Variants in RBMS3 observed in about 807,000 individuals in gnomAD.
RBMS3 encodes RNA-binding motif, single-stranded-interacting protein 3.
In RBMS3, 27 loss-of-function variants were observed where a neutral mutation model predicts 66.8. That is an observed-to-expected ratio of 0.40 (90% CI 0.30 to 0.56). The LOEUF is 0.56. RBMS3 is among the 20% of genes least tolerant of loss of function. The pLI is 0.40. For missense variants in RBMS3, 513 were observed against 549.5 expected (o/e 0.93, Z 0.66); for synonymous variants, 188 against 183.0 (o/e 1.03, Z -0.22).
intron 6 of RBMS3, among the ~76,000 whole-genome samples, chr3:29,815,771 C>G (rs987865586): frequency 6.6e-6 from 1 of 151,206 alleles, no homozygotes; most frequent in Admixed American, 6.6e-5. Context: ...TAATGGACTT[C>G]GAGGACTCAA....
chr3:29,880,211 G>T (rs1383742137), intron 7 of RBMS3, among the ~76,000 whole-genome samples: 1 of 152,038 alleles, frequency 6.6e-6, no homozygotes, highest in Non-Finnish European at 1.5e-5. Flanking sequence ...CTTAACTGTT[G>T]TTGAAAAATG....
intron 6 of RBMS3, among the ~76,000 whole-genome samples, chr3:29,771,687 G>C (rs2149395752): frequency 6.6e-6 from 1 of 152,100 alleles, no homozygotes; most frequent in East Asian, 1.9e-4. Context: ...AAAAAGAGAA[G>C]TTTAGTTGGC....
intron 4 of RBMS3, among the ~76,000 whole-genome samples, chr3:29,676,569 A>G (rs1461812574): frequency 2.0e-5 from 3 of 152,324 alleles, no homozygotes; most frequent in East Asian, 3.9e-4. Context: ...CATCATAACC[A>G]AAATTGTTCA....
intron 2 of RBMS3, among the ~76,000 whole-genome samples, chr3:29,467,234 A>G (rs1235187284): frequency 6.6e-6 from 1 of 152,178 alleles, no homozygotes; most frequent in Non-Finnish European, 1.5e-5. Flanking sequence ...GTACAAAATC[A>G]TGCAAAAGGG....
intron 6 of RBMS3, among the ~76,000 whole-genome samples, chr3:29,793,483 G>A (rs1270711902): frequency 6.6e-6 from 1 of 152,118 alleles, no homozygotes; most frequent in Non-Finnish European, 1.5e-5. Flanking sequence ...TGCTAAAAAA[G>A]TAATTTTATA....
intron 6 of RBMS3, among the ~76,000 whole-genome samples, chr3:29,784,675 G>A (rs1195876757): frequency 4.0e-5 from 6 of 151,352 alleles, no homozygotes; most frequent in South Asian, 2.1e-4. Context: ...AAGAAAATAC[G>A]TAACAAAGAT....
At position 29,655,945 on chromosome 3, in the gene RBMS3, C is replaced by CAAA. The variant is rs57111170; in HGVS notation, c.399+68751_399+68753dup. ...CTTTTTAACAAAACAGCTTAAAAAG[C>CAAA]AAAAAAAAAAAAATTAGAAATGTAA... On this transcript the variant is annotated intron_variant, in intron 4 of 14. Coordinates refer to ENST00000383767, the MANE Select transcript of RBMS3 (RefSeq NM_001003793.3). 2.6e-3 allele frequency among the ~76,000 whole-genome samples: 369 copies of CAAA among 140,496 alleles called. 2 individuals are homozygous for CAAA. Among genetic ancestry groups the CAAA allele is most frequent in the African/African-American group, 7.9e-3 (304 of 38,438 alleles). The allele number at this position is 140,496 out of a possible 152,430, so 92.2% of individuals were successfully genotyped here. A position where few individuals can be genotyped will look rare whatever the true frequency, so the allele number is the denominator to read the frequency against.
intron 2 of RBMS3, among the ~76,000 whole-genome samples, chr3:29,487,305 G>T (rs2043357687): frequency 6.6e-6 from 1 of 152,108 alleles, no homozygotes; most frequent in Non-Finnish European, 1.5e-5. Context: ...TGAGGTAATA[G>T]TCATTTTGAT....
intron 6 of RBMS3, among the ~76,000 whole-genome samples, chr3:29,792,134 A>G (rs950318036): frequency 3.3e-5 from 5 of 152,190 alleles, no homozygotes; most frequent in African/African-American, 1.2e-4. Flanking sequence ...TGTTCACTAT[A>G]TAACACTATG....
At chr3:29,573,524 TG>T (rs2149070722) in intron 3 of RBMS3, among the ~76,000 whole-genome samples, 1 of 152,278 alleles carries the variant, frequency 6.6e-6, no homozygotes, top group East Asian at 1.9e-4. Context: ...AAAAAGCAAA[TG>T]TTTCATCTAT....
chr3:29,539,016 A>G (rs2045669319), intron 3 of RBMS3, among the ~76,000 whole-genome samples: 1 of 152,188 alleles, frequency 6.6e-6, no homozygotes, highest in Non-Finnish European at 1.5e-5. Flanking sequence ...TCTTGTCACT[A>G]ATTTCAACTT....
intron 6 of RBMS3, among the ~76,000 whole-genome samples, chr3:29,863,445 T>G (rs1016239900): frequency 6.6e-6 from 1 of 152,138 alleles, no homozygotes; most frequent in African/African-American, 2.4e-5. Context: ...GCTGTATCTG[T>G]CTTCCATTAT....
chr3:29,871,813 C>T (rs1456736325), intron 7 of RBMS3, among the ~76,000 whole-genome samples: 1 of 152,082 alleles, frequency 6.6e-6, no homozygotes, highest in Non-Finnish European at 1.5e-5. Context: ...AATTGATAGA[C>T]TAATTAAAAT....
At chr3:29,860,989 G>A (rs1370724035) in intron 6 of RBMS3, among the ~76,000 whole-genome samples, 7 of 152,132 alleles carry the variant, frequency 4.6e-5, no homozygotes, top group African/African-American at 1.4e-4. Context: ...TCAGCCTCCC[G>A]AGTAGCTGCA....
At chr3:29,489,594 C>T (rs1029171295) in intron 3 of RBMS3, among the ~76,000 whole-genome samples, 5 of 151,222 alleles carry the variant, frequency 3.3e-5, no homozygotes, top group South Asian at 2.1e-4. Flanking sequence ...ACAGAATTAT[C>T]GACAAACCAC....
rs567796790 is a variant in RBMS3 at position 29,701,755 on chromosome 3, C to A, written c.400-37965C>A. 3.3e-5 allele frequency among the ~76,000 whole-genome samples: 5 copies of A among 152,256 alleles called. No individual in the cohort carries two copies. In the South Asian group the frequency reaches 1.0e-3, roughly 32 times the overall value. ...GGGTGCACCTGGTCCTCTAGCAGTG[C>A]CGGCCCACTGGCACTGCGCTGGAAT... is the stretch of plus-strand genomic sequence containing the variant. On this transcript the variant is annotated intron_variant, in intron 4 of 14. Transcript: ENST00000383767.
At chr3:29,468,486 ATACCGTAACTTT>A (rs1168333072) in intron 2 of RBMS3, among the ~76,000 whole-genome samples, 1 of 152,158 alleles carries the variant, frequency 6.6e-6, no homozygotes, top group African/African-American at 2.4e-5. Context: ...ACGTGGTAGA[ATACCGTAACTTT>A]GTAGGACTGG....
chr3:29,895,699 G>C (rs2060110367), intron 8 of RBMS3, among the ~76,000 whole-genome samples: 1 of 151,448 alleles, frequency 6.6e-6, no homozygotes, highest in South Asian at 2.1e-4. Flanking sequence ...ATAAACATTT[G>C]GATTAAAGTT....
At chr3:29,880,748 C>T in intron 7 of RBMS3, 1 of 1,530,350 alleles carries the variant, frequency 6.5e-7, no homozygotes, top group Non-Finnish European at 8.8e-7. Context: ...TATGACCTGA[C>T]ACTATCTCTT....
Sources: allele counts gnomAD v4.1 joint callset (sites outside exome capture counted in the v4.1 genomes callset), GRCh38; gene constraint gnomAD v4.1.1; transcripts MANE v1.5; gene names NCBI Gene and HGNC (gene_info 2026-07-23, HGNC 2026-07-21).